The following ESRRG variants were observed in gnomAD, a reference collection of about 807,000 sequenced individuals.
ESRRG encodes estrogen related receptor gamma.
Under a neutral mutation model 44.0 loss-of-function variants are expected in ESRRG, and 13 were observed. The ratio of observed to expected loss-of-function variants is 0.30; its 90% confidence interval spans 0.19 to 0.47. The LOEUF is 0.47. ESRRG is among the 20% of genes least tolerant of loss of function. The pLI is 1.00. For synonymous variants in ESRRG, 215 were observed against 214.6 expected, an observed-to-expected ratio of 1.00 and a Z score of -0.02; for missense variants, 395 against 580.6, an observed-to-expected ratio of 0.68 and a Z score of 3.29.
intron 2 of ESRRG, among the ~76,000 whole-genome samples, chr1:216,866,842 A>G (rs776859011): frequency 3.9e-5 from 6 of 151,974 alleles, no homozygotes; most frequent in South Asian, 2.1e-4. Context: ...ATTTTCTTTC[A>G]TTTTTTGATG....
chr1:216,925,266 G>A (rs1455202621), intron 2 of ESRRG, among the ~76,000 whole-genome samples: 4 of 151,974 alleles, frequency 2.6e-5, no homozygotes, highest in African/African-American at 7.3e-5. Context: ...GTGAAACCCC[G>A]TCTCTACTAA....
At chr1:217,042,597 C>A (rs6699056) in intron 1 of ESRRG, among the ~76,000 whole-genome samples, 3,937 of 152,122 alleles carry the variant, frequency 0.026, 184 homozygotes, top group African/African-American at 0.09. Flanking sequence ...CACACTCCCC[C>A]CTGCCCTTGC....
chr1:216,779,821 G>C (rs2093857629), intron 2 of ESRRG, among the ~76,000 whole-genome samples: 1 of 151,388 alleles, frequency 6.6e-6, no homozygotes, highest in Non-Finnish European at 1.5e-5. Flanking sequence ...TTTGGTATTT[G>C]GGGAATGACC....
intron 1 of ESRRG, among the ~76,000 whole-genome samples, chr1:216,683,130 C>A (rs577355863): frequency 6.6e-6 from 1 of 152,128 alleles, no homozygotes; most frequent in South Asian, 2.1e-4. Flanking sequence ...TCTAACATAT[C>A]ATCATTGCAT....
At chr1:217,102,855 G>A (rs1580581004) in intron 1 of ESRRG, among the ~76,000 whole-genome samples, 1 of 152,134 alleles carries the variant, frequency 6.6e-6, no homozygotes, top group Non-Finnish European at 1.5e-5. Context: ...CTCTAAGGTG[G>A]CATGTAGGGG....
At chr1:216,994,957 G>C (rs2076194754) in intron 1 of ESRRG, among the ~76,000 whole-genome samples, 1 of 152,196 alleles carries the variant, frequency 6.6e-6, no homozygotes, top group African/African-American at 2.4e-5. Flanking sequence ...TCTGCACACA[G>C]ATGAGAGCAC....
intron 1 of ESRRG, among the ~76,000 whole-genome samples, chr1:217,075,915 T>C (rs576418180): frequency 2.6e-5 from 4 of 152,334 alleles, no homozygotes; most frequent in Non-Finnish European, 4.4e-5. Flanking sequence ...TGCTTTTTCA[T>C]GTGCTGATTG....
At chr1:216,587,535 T>C (rs544684596) in intron 3 of ESRRG, among the ~76,000 whole-genome samples, 16 of 152,256 alleles carry the variant, frequency 1.1e-4, no homozygotes, top group African/African-American at 3.6e-4. Flanking sequence ...AACATGAATA[T>C]GTATGTAATT....
At chr1:217,018,447 A>C (rs2150887243) in intron 1 of ESRRG, among the ~76,000 whole-genome samples, 1 of 152,196 alleles carries the variant, frequency 6.6e-6, no homozygotes, top group South Asian at 2.1e-4. Context: ...GCCCTTCCAT[A>C]ATTCTACTCA....
chr1:216,553,120 TC>T (rs1204998331), intron 5 of ESRRG, among the ~76,000 whole-genome samples: 1 of 151,890 alleles, frequency 6.6e-6, no homozygotes, highest in Non-Finnish European at 1.5e-5. Context: ...TTTTTTTTTT[TC>T]CTAAAATGCT....
chr1:217,060,960 T>C (rs2088309081), intron 1 of ESRRG, among the ~76,000 whole-genome samples: 1 of 148,620 alleles, frequency 6.7e-6, no homozygotes, highest in African/African-American at 2.5e-5. Context: ...TTATTCTATT[T>C]TGAAATATAT....
At chr1:216,567,547 T>C (rs368717418) in intron 4 of ESRRG, among the ~76,000 whole-genome samples, 19 of 152,164 alleles carry the variant, frequency 1.2e-4, no homozygotes, top group South Asian at 4.1e-4. Context: ...TGTATTTTCA[T>C]TGGGAGGTTG....
chr1:217,078,545 C>T (rs544068535), intron 1 of ESRRG, among the ~76,000 whole-genome samples: 2 of 152,284 alleles, frequency 1.3e-5, no homozygotes, highest in South Asian at 2.1e-4. Flanking sequence ...AAAGTATCTC[C>T]CCACCAGGTT....
rs570156872 is a variant in ESRRG, at chr1:216,686,798, A to G, written c.57-9307T>C. On this transcript the variant is annotated intron_variant, in intron 1 of 6. Coordinates refer to ENST00000408911, the MANE Select transcript of ESRRG (RefSeq NM_001438.4). ...AAGTCATTGTACCACCCTGACTCTC[A>G]GTTTTCTCATTTATAAAATGAGAGC... is the stretch of plus-strand genomic sequence containing the variant. 1.2e-4 allele frequency among the ~76,000 whole-genome samples: 19 copies of G among 152,294 alleles called. No individual in the cohort carries two copies. In the Middle Eastern group the frequency reaches 0.01, roughly 82 times the overall value.
At chr1:216,760,478 C>T (rs1195713618) in intron 2 of ESRRG, among the ~76,000 whole-genome samples, 2 of 152,000 alleles carry the variant, frequency 1.3e-5, no homozygotes, top group African/African-American at 4.8e-5. Flanking sequence ...TAGCATGCAT[C>T]TGTAGTCCCA....
At chr1:216,568,561 T>C (rs2060103017) in intron 3 of ESRRG, among the ~76,000 whole-genome samples, 2 of 152,130 alleles carry the variant, frequency 1.3e-5, no homozygotes, top group African/African-American at 4.8e-5. Flanking sequence ...TTGAGCTGAA[T>C]AAAGAGCACC....
chr1:216,724,742 C>T (rs1444295430), upstream of ESRRG, among the ~76,000 whole-genome samples: 5 of 151,938 alleles, frequency 3.3e-5, no homozygotes, highest in Admixed American at 1.3e-4. Context: ...TTGTGTACAC[C>T]GTGTCTTTAA....
At chr1:217,040,028 A>T (rs1197792628) in intron 1 of ESRRG, among the ~76,000 whole-genome samples, 1 of 152,200 alleles carries the variant, frequency 6.6e-6, no homozygotes, top group Non-Finnish European at 1.5e-5. Flanking sequence ...ACACAAGAGC[A>T]GGGTGAGAAT....
At chr1:216,734,798 T>C (rs943836665) in intron 2 of ESRRG, among the ~76,000 whole-genome samples, 17 of 152,198 alleles carry the variant, frequency 1.1e-4, no homozygotes, top group African/African-American at 3.9e-4. Context: ...TATTTACCCT[T>C]TCAAAATTAG....
Sources: allele counts gnomAD v4.1 joint callset (sites outside exome capture counted in the v4.1 genomes callset), GRCh38; gene constraint gnomAD v4.1.1; transcripts MANE v1.5; gene names NCBI Gene and HGNC (gene_info 2026-07-23, HGNC 2026-07-21).